Variants in ITGA9 observed in about 807,000 individuals in gnomAD.
ITGA9 encodes the protein integrin alpha-9.
ITGA9 carries 56 observed loss-of-function variants against 127.8 expected under a neutral mutation model. The ratio of observed to expected loss-of-function variants is 0.44; its 90% CI spans 0.35 to 0.55. The LOEUF is 0.55. ITGA9 is among the 20% of genes least tolerant of loss of function. The probability of loss-of-function intolerance (pLI) is 0.00; values close to 1 mark genes in which losing one functional copy is unlikely to be tolerated. For missense variants in ITGA9, 1,196 were observed against 1,347.1 expected (o/e 0.89, Z 1.76); for synonymous variants, 508 against 514.5 (o/e 0.99, Z 0.17).
chr3:37,642,286 G>A (rs1700341246), intron 16 of ITGA9, among the ~76,000 whole-genome samples: 1 of 152,112 alleles, frequency 6.6e-6, no homozygotes, highest in African/African-American at 2.4e-5. Context: ...CTAACAGAAC[G>A]TGTTATTTCG....
intron 27 of ITGA9, chr3:37,808,920 A>G (rs1408364124): frequency 6.6e-6 from 1 of 152,194 alleles, no homozygotes; most frequent in Non-Finnish European, 1.5e-5. Context: ...ATGCTAGCCC[A>G]CAGCTGGCAT....
At position 37,779,960 on chromosome 3, in the gene ITGA9, C is replaced by T. The variant is rs1190460846; in HGVS notation, c.2726C>T (p.Ala909Val). The change falls in exon 25 of 28, where the codon GCT becomes GTT. Residue 909 changes from alanine to valine, a missense_variant. Ala to Val is a moderately conservative substitution (Grantham distance 64, BLOSUM62 0). Transcript: ENST00000264741. ...LTAHCNFSAL[A>V]KEESRTIDIY... ...GCACACTGTAACTTTAGTGCTCTTG[C>T]TAAAGAAGAAAGTCGTACTATAGAC... 1.2e-6 allele frequency: 2 copies of T among 1,613,810 alleles called. No individual in the cohort carries two copies. Among genetic ancestry groups the T allele is most frequent in the East Asian group, 2.2e-5 (1 of 44,876 alleles).
At chr3:37,631,747 G>A (rs528182901) in intron 16 of ITGA9, among the ~76,000 whole-genome samples, 2 of 152,312 alleles carry the variant, frequency 1.3e-5, no homozygotes, top group African/African-American at 4.8e-5. Context: ...AAGTGGGACT[G>A]CAAGTGGTGG....
chr3:37,761,753 C>T (rs1319894279), intron 23 of ITGA9, among the ~76,000 whole-genome samples: 1 of 152,108 alleles, frequency 6.6e-6, no homozygotes, highest in Admixed American at 6.5e-5. Context: ...AGACGCAGGT[C>T]ACAGAGACCC....
intron 27 of ITGA9, among the ~76,000 whole-genome samples, chr3:37,811,603 G>C (rs1697369483): frequency 6.6e-6 from 1 of 151,960 alleles, no homozygotes; most frequent in Non-Finnish European, 1.5e-5. Context: ...GTCCTTGTTT[G>C]TTTGCAGTTT....
intron 5 of ITGA9, among the ~76,000 whole-genome samples, chr3:37,495,569 A>G (rs774640263): frequency 6.6e-6 from 1 of 152,150 alleles, no homozygotes; most frequent in Non-Finnish European, 1.5e-5. Flanking sequence ...CATCCCAAAT[A>G]TGACAGCTTT....
intron 4 of ITGA9, among the ~76,000 whole-genome samples, chr3:37,492,606 C>T (rs1224288165): frequency 2.6e-5 from 4 of 152,184 alleles, no homozygotes; most frequent in Non-Finnish European, 4.4e-5. Context: ...ATAAAGAGAC[C>T]TTGAGACTGC....
intron 23 of ITGA9, among the ~76,000 whole-genome samples, chr3:37,768,730 A>G (rs1207796592): frequency 6.6e-6 from 1 of 152,018 alleles, no homozygotes; most frequent in African/African-American, 2.4e-5. Context: ...AAATGAACCT[A>G]GGTCCCTTTT....
chr3:37,813,796 T>C lies in ITGA9; in HGVS notation c.3010-5095T>C, dbSNP rs1385959830. Among the ~76,000 whole-genome samples the C allele has an allele frequency of 3.3e-5, 5 of 152,204 alleles. No individual in the cohort carries two copies. The East Asian group carries it at 5.8e-4, about 18-fold the overall frequency. The stretch of plus-strand genomic sequence containing the variant: ...AGCAAGTCCTCAATTCTGACACTTA[T>C]TATAAGACATCTGATCCAGAGCTGC... On this transcript the variant is annotated intron_variant, in intron 27 of 27. Transcript: ENST00000264741.
chr3:37,519,107 G>A (rs1208490135), intron 10 of ITGA9, among the ~76,000 whole-genome samples, 153 bp from the exon 11 acceptor site: 2 of 99,846 alleles, frequency 2.0e-5, no homozygotes, highest in Non-Finnish European at 3.8e-5. Flanking sequence ...TTTTTTTCCC[G>A]CTGAGGGATC....
At chr3:37,481,796 G>T (rs140012229) in intron 4 of ITGA9, among the ~76,000 whole-genome samples, 189 bp downstream of exon 4, 13 of 152,312 alleles carry the variant, frequency 8.5e-5, no homozygotes, top group African/African-American at 2.6e-4. Flanking sequence ...AGGTACAGAG[G>T]GGGCAGCAGT....
intron 4 of ITGA9, among the ~76,000 whole-genome samples, chr3:37,484,258 A>G (rs1436754651): frequency 1.3e-5 from 2 of 152,156 alleles, no homozygotes; most frequent in Non-Finnish European, 2.9e-5. Context: ...GGGGGACTAA[A>G]TTGAAAGTTT....
At chr3:37,559,095 A>G (rs1699460338) in intron 15 of ITGA9, among the ~76,000 whole-genome samples, 1 of 152,212 alleles carries the variant, frequency 6.6e-6, no homozygotes, top group African/African-American at 2.4e-5. Flanking sequence ...AGGACCCCCA[A>G]AACACTTTAT....
At chr3:37,792,058 C>T (rs189546309) in intron 26 of ITGA9, among the ~76,000 whole-genome samples, 32 of 152,218 alleles carry the variant, frequency 2.1e-4, no homozygotes, top group Admixed American at 1.6e-3. Context: ...GGGTCATCAC[C>T]GCCCCCATCC....
At chr3:37,485,964 G>T (rs951130092) in intron 4 of ITGA9, among the ~76,000 whole-genome samples, 1 of 152,178 alleles carries the variant, frequency 6.6e-6, no homozygotes, top group Admixed American at 6.5e-5. Context: ...TTGGTGGGAC[G>T]ATGTATAGGG....
At chr3:37,546,550 G>A (rs1301701167) in intron 15 of ITGA9, among the ~76,000 whole-genome samples, 2 of 152,192 alleles carry the variant, frequency 1.3e-5, no homozygotes, top group Admixed American at 1.3e-4. Flanking sequence ...CACAGGTTTT[G>A]GACATCCTCA....
chr3:37,494,642 C>G (rs994626489), intron 5 of ITGA9, 74 bp downstream of exon 5: 8 of 1,278,100 alleles, frequency 6.3e-6, no homozygotes, highest in Non-Finnish European at 9.1e-6. Flanking sequence ...TTTTGGCAAC[C>G]CTTAGAGGTG....
At chr3:37,818,655 A>C in intron 27 of ITGA9, 1 of 565,152 alleles carries the variant, frequency 1.8e-6, no homozygotes, top group Non-Finnish European at 3.2e-6. Context: ...CACCAGATGC[A>C]TTTTAGAAGG....
intron 15 of ITGA9, among the ~76,000 whole-genome samples, chr3:37,605,299 G>A (rs1414380826): frequency 6.6e-6 from 1 of 152,182 alleles, no homozygotes; most frequent in Non-Finnish European, 1.5e-5. Flanking sequence ...GAGGGGCCTG[G>A]TGGGCCATGC....
Sources: gnomAD v4.1 joint callset for allele counts (sites outside exome capture counted in the v4.1 genomes callset) on GRCh38, gnomAD v4.1.1 for gene constraint, MANE v1.5 for transcripts, NCBI Gene and HGNC (gene_info 2026-07-23, HGNC 2026-07-21) for gene names.